MOB3B: variants seen among roughly 807,000 people sequenced by gnomAD.
The protein encoded by MOB3B is MOB kinase activator 3B, also known as MOB kinase activator-like 2B.
MOB3B carries 7 observed loss-of-function variants against 18.7 expected under a neutral mutation model. The observed-to-expected ratio is 0.37, with a 90% CI of 0.21 to 0.70. The LOEUF (loss-of-function observed/expected upper bound fraction) is 0.70. Among genes scored for constraint, MOB3B ranks in the 30% least tolerant of loss-of-function variants. MOB3B has a pLI of 0.52. For synonymous variants in MOB3B, 111 were observed against 99.9 expected, an observed-to-expected ratio of 1.11 and a Z score of -0.66; for missense variants, 253 against 281.3, an observed-to-expected ratio of 0.90 and a Z score of 0.72.
At chr9:27,342,175 G>A (rs1309876825) in intron 3 of MOB3B, among the ~76,000 whole-genome samples, 1 of 152,104 alleles carries the variant, frequency 6.6e-6, no homozygotes, top group Non-Finnish European at 1.5e-5. Context: ...AGAAAAGCTG[G>A]CTGACCTCGC....
At chr9:27,452,256 C>A (rs1486434554) in intron 2 of MOB3B, among the ~76,000 whole-genome samples, 1 of 152,110 alleles carries the variant, frequency 6.6e-6, no homozygotes, top group South Asian at 2.1e-4. Context: ...GTTACCAGGA[C>A]TAGAGTTAGT....
rs1821238679 is a variant in MOB3B at position 27,359,316 on chromosome 9, C to CT, written c.419-81dup. 5 of 1,293,936 alleles carry CT rather than the reference C, an allele frequency of 3.9e-6. No individual in the cohort carries two copies. In the Admixed American group the frequency reaches 5.3e-5, roughly 14 times the overall value. The allele number at this position is 1,293,936 out of a possible 1,614,324, so 80.2% of individuals were successfully genotyped here. On this transcript the variant is annotated intron_variant, in intron 2 of 3. Transcript: ENST00000262244. ...CTCTTTCCTCTAATATGAAAACTGT[C>CT]TGAGGGCAATGCTACAGGGAGACTG... is the stretch of plus-strand genomic sequence containing the variant.
At chr9:27,506,647 C>T (rs1208535273) in intron 1 of MOB3B, among the ~76,000 whole-genome samples, 3 of 151,962 alleles carry the variant, frequency 2.0e-5, no homozygotes, top group Non-Finnish European at 2.9e-5. Flanking sequence ...TTCTCTGCCT[C>T]AGCCTCCCAA....
chr9:27,347,705 A>G (rs182355289), intron 3 of MOB3B, among the ~76,000 whole-genome samples: 89 of 152,324 alleles, frequency 5.8e-4, no homozygotes, highest in Non-Finnish European at 1.0e-3. Flanking sequence ...TTCATGGCAA[A>G]TGCCCTAGGC....
At chr9:27,525,827 T>A (rs1391853522) in intron 1 of MOB3B, among the ~76,000 whole-genome samples, 1 of 152,234 alleles carries the variant, frequency 6.6e-6, no homozygotes, top group Non-Finnish European at 1.5e-5. Flanking sequence ...GTGAGTTAAT[T>A]TAACTAGCTA....
At chr9:27,500,621 A>G (rs951971369) in intron 1 of MOB3B, among the ~76,000 whole-genome samples, 1 of 152,094 alleles carries the variant, frequency 6.6e-6, no homozygotes, top group Admixed American at 6.6e-5. Flanking sequence ...AGACTTAAAC[A>G]TTAGACCTAA....
At chr9:27,369,092 G>A (rs757302619) in intron 2 of MOB3B, among the ~76,000 whole-genome samples, 55 of 152,310 alleles carry the variant, frequency 3.6e-4, no homozygotes, top group Non-Finnish European at 6.3e-4. Flanking sequence ...TGGGACAAAT[G>A]AGCCAGAGCT....
At chr9:27,353,995 A>C (rs906082846) in intron 3 of MOB3B, among the ~76,000 whole-genome samples, 2 of 152,240 alleles carry the variant, frequency 1.3e-5, no homozygotes, top group Non-Finnish European at 2.9e-5. Context: ...TTGCATTTAC[A>C]TGAGCAATGG....
intron 1 of MOB3B, among the ~76,000 whole-genome samples, chr9:27,473,613 C>A (rs1023784662): frequency 2.0e-5 from 3 of 152,246 alleles, no homozygotes; most frequent in Non-Finnish European, 4.4e-5. Flanking sequence ...AATCTAGCAC[C>A]TTCTCCAACC....
intron 1 of MOB3B, among the ~76,000 whole-genome samples, chr9:27,481,768 G>C (rs545036918): frequency 9.2e-5 from 14 of 151,964 alleles, no homozygotes; most frequent in Non-Finnish European, 1.9e-4. Flanking sequence ...CTCATGATCT[G>C]CCCGCCTCGG....
At chr9:27,522,442 T>TGC (rs1563889868) in intron 1 of MOB3B, among the ~76,000 whole-genome samples, 1 of 145,316 alleles carries the variant, frequency 6.9e-6, no homozygotes, top group Non-Finnish European at 1.5e-5. Context: ...TATATATATA[T>TGC]ATATGCATAT....
At chr9:27,425,103 C>G (rs149430215) in intron 2 of MOB3B, among the ~76,000 whole-genome samples, 2 of 152,060 alleles carry the variant, frequency 1.3e-5, no homozygotes, top group Non-Finnish European at 2.9e-5. Context: ...CATCCAGGCG[C>G]GGTGGCTTGT....
intron 2 of MOB3B, among the ~76,000 whole-genome samples, chr9:27,388,633 C>T (rs1043486112): frequency 6.6e-6 from 1 of 152,116 alleles, no homozygotes; most frequent in Non-Finnish European, 1.5e-5. Context: ...TCCCCCAAGT[C>T]CCCAAAGTCC....
At chr9:27,503,478 A>T (rs935660809) in intron 1 of MOB3B, among the ~76,000 whole-genome samples, 1 of 152,208 alleles carries the variant, frequency 6.6e-6, no homozygotes, top group Admixed American at 6.5e-5. Flanking sequence ...TTTGGGAAGG[A>T]GAGGTGGCCA....
At chr9:27,338,405 G>A (rs897742224) in intron 3 of MOB3B, among the ~76,000 whole-genome samples, 9 of 152,208 alleles carry the variant, frequency 5.9e-5, no homozygotes, top group Admixed American at 3.9e-4. Context: ...TCCCAGCAGC[G>A]CCCCAGAGCT....
Position 27,399,093 on chromosome 9 carries a change from C to T in MOB3B, c.419-39857G>A, listed in dbSNP as rs541894895. On this transcript the variant is annotated intron_variant, in intron 2 of 3. Transcript: ENST00000262244. ...TATTCTTAGTTAAGTGAGGAAAACT[C>T]TGAGGAAACCAAGCCCACATGAGAT... Among the ~76,000 whole-genome samples the T allele has an allele frequency of 3.3e-4, 50 of 152,252 alleles. No homozygotes were observed. In the South Asian group the frequency reaches 1.0e-2, roughly 30 times the overall value.
intron 3 of MOB3B, among the ~76,000 whole-genome samples, chr9:27,331,945 G>A (rs1027269505): frequency 1.3e-5 from 2 of 152,180 alleles, no homozygotes; most frequent in Non-Finnish European, 2.9e-5. Flanking sequence ...AGGCACTTTT[G>A]CATCTCTATA....
chr9:27,439,130 C>T (rs1252836085), intron 2 of MOB3B, among the ~76,000 whole-genome samples: 1 of 152,026 alleles, frequency 6.6e-6, no homozygotes, highest in African/African-American at 2.4e-5. Context: ...CCTATTAAGA[C>T]CTTACAGCAA....
Position 27,327,111 on chromosome 9 carries a change from C to T in MOB3B, c.*3476G>A, listed in dbSNP as rs1820724141. On this transcript the variant is annotated 3_prime_UTR_variant, in exon 4 of 4. Transcript: ENST00000262244. ...CTGCACATGGAAACTTCCTTCTTCCCCTCCCTCCTGTTATATGGAAAGGGA... is the reference window on the plus strand; with the variant it reads ...CTGCACATGGAAACTTCCTTCTTCCTCTCCCTCCTGTTATATGGAAAGGGA... The T allele has an allele frequency of 1.3e-5, 2 of 152,278 alleles. No individual in the cohort carries two copies. Among genetic ancestry groups the T allele is most frequent in the Non-Finnish European group, 2.9e-5 (2 of 68,088 alleles). The allele number at this position is 152,278 out of a possible 1,614,324, so 9.4% of individuals were successfully genotyped here. A position where few individuals can be genotyped will look rare whatever the true frequency, so the allele number is the denominator to read the frequency against.
Sources: allele counts gnomAD v4.1 joint callset (sites outside exome capture counted in the v4.1 genomes callset), GRCh38; gene constraint gnomAD v4.1.1; transcripts MANE v1.5; gene names NCBI Gene and HGNC (gene_info 2026-07-23, HGNC 2026-07-21).